The following CXCR6 variants were observed in gnomAD, a reference collection of about 807,000 sequenced individuals.
CXCR6 encodes C-X-C motif chemokine receptor 6, also known as C-X-C chemokine receptor type 6.
Under a neutral mutation model 1.6 loss-of-function variants are expected in CXCR6, and 3 were observed. The ratio of observed to expected loss-of-function variants is 1.83; its 90% CI spans 0.83 to 4.72. The LOEUF is 4.72. CXCR6 is among the 30% of genes most tolerant of loss of function. CXCR6 has a pLI of 0.02. For synonymous variants in CXCR6, 171 were observed against 159.2 expected, an observed-to-expected ratio of 1.07 and a Z score of -0.56; for missense variants, 326 against 414.8, an observed-to-expected ratio of 0.79 and a Z score of 1.86.
chr3:45,945,117 G>C (rs1027005330), intron 1 of CXCR6: 1 of 152,202 alleles, frequency 6.6e-6, no homozygotes, highest in East Asian at 1.9e-4. Flanking sequence ...CAGCAGCATC[G>C]GAGACACTGC....
rs1363500194 is a variant in CXCR6, at chr3:45,946,867, T to C, written c.386T>C (p.Ile129Thr). The change falls in exon 2 of 2, where the codon ATT (isoleucine) becomes ACT (threonine). Residue 129 changes from isoleucine to threonine, a missense_variant. Ile to Thr is a moderately conservative substitution (Grantham distance 89). Transcript: ENST00000304552. ...ACCTGCATCACTGTGGATCGTTTCATTGTAGTGGTTAAGGCCACCAAGGCC... is the reference window on the plus strand; with the variant it reads ...ACCTGCATCACTGTGGATCGTTTCACTGTAGTGGTTAAGGCCACCAAGGCC... ...ILTCITVDRF[I>T]VVVKATKAYN... 6 of 1,614,084 alleles carry C rather than the reference T, an allele frequency of 3.7e-6. No individual in the cohort carries two copies. Among genetic ancestry groups the C allele is most frequent in the Non-Finnish European group, 5.1e-6 (6 of 1,180,030 alleles).
chr3:45,944,876 T>A (rs1252121115), intron 1 of CXCR6: 1 of 152,190 alleles, frequency 6.6e-6, no homozygotes. Flanking sequence ...TGAAAAAATA[T>A]GTTTTTGCCC....
intron 1 of CXCR6, chr3:45,944,948 G>GT (rs1395031054): frequency 6.6e-6 from 1 of 152,206 alleles, no homozygotes; most frequent in Non-Finnish European, 1.5e-5. Flanking sequence ...CAGAGAGCTT[G>GT]TGGGGGGCAG....
rs867012499 is a variant in CXCR6, at chr3:45,948,155, G to T, written c.*645G>T. Reference sequence around the variant, plus strand: ...ATGCTTGAAAAATGTGCAAAACAGCGTTTAAGACTGTAATGAATCTAAGCA... The same window carrying T: ...ATGCTTGAAAAATGTGCAAAACAGCTTTTAAGACTGTAATGAATCTAAGCA... On this transcript the variant is annotated 3_prime_UTR_variant, in exon 2 of 2. Transcript: ENST00000304552. 1 of 167,290 alleles carries T rather than the reference G, an allele frequency of 6.0e-6. No homozygotes were observed. Among genetic ancestry groups the T allele is most frequent in the Non-Finnish European group, 1.5e-5 (1 of 68,290 alleles). 10.4% of individuals were successfully genotyped at this position (167,290 alleles called of 1,614,324 possible).
chr3:45,944,194 G>A (rs1559447513), intron 1 of CXCR6, among the ~76,000 whole-genome samples: 1 of 141,838 alleles, frequency 7.1e-6, no homozygotes, highest in Admixed American at 6.6e-5. Flanking sequence ...GTGCGTGTGT[G>A]TCTGTGTGTG....
At position 45,947,659 on chromosome 3, in the gene CXCR6, G is replaced by A. The variant is rs1288247705; in HGVS notation, c.*149G>A. 1.2e-5 allele frequency: 8 copies of A among 659,642 alleles called. No individual in the cohort carries two copies. Among genetic ancestry groups the A allele is most frequent in the Non-Finnish European group, 1.9e-5 (7 of 374,804 alleles). The allele number at this position is 659,642 out of a possible 1,614,324, so 40.9% of individuals were successfully genotyped here. ...GGCTGGTTTGGAATGCTTCTTCTCA[G>A]GCATGAACATGTACTGTTCTCTTCT... On this transcript the variant is annotated 3_prime_UTR_variant, in exon 2 of 2. Transcript: ENST00000304552.
chr3:45,941,177 C>T (rs1704205850), upstream of CXCR6: 1 of 152,176 alleles, frequency 6.6e-6, no homozygotes, highest in South Asian at 2.1e-4. Context: ...CACTGCCACG[C>T]CTGGCTGGTT....
intron 1 of CXCR6, chr3:45,945,609 C>A (rs912451415): frequency 1.3e-5 from 2 of 152,138 alleles, no homozygotes; most frequent in Non-Finnish European, 2.9e-5. Flanking sequence ...ATCACAGGAG[C>A]TAAGGCAAGG....
chr3:45,941,928 A>C (rs1272659236), upstream of CXCR6, among the ~76,000 whole-genome samples: 1 of 152,218 alleles, frequency 6.6e-6, no homozygotes, highest in Non-Finnish European at 1.5e-5. Flanking sequence ...CCCTGCCTTG[A>C]AAGTTCTCTT....
In CXCR6 at chr3:45,947,042, T is replaced by C; in HGVS notation, c.561T>C (p.Ile187=). ...KLICGYHDEA[I]STVVLATQMT... is the part of the protein sequence containing the mutation. Reference sequence around the variant, plus strand: ...TATGTGGTTACCATGACGAGGCAATTTCCACTGTGGTTCTTGCCACCCAGA... The same window carrying C: ...TATGTGGTTACCATGACGAGGCAATCTCCACTGTGGTTCTTGCCACCCAGA... Residue 187 remains isoleucine (I), a synonymous_variant, in exon 2 of 2, where the codon ATT becomes ATC. Coordinates refer to ENST00000304552, the MANE Select transcript of CXCR6 (RefSeq NM_006564.2). The C allele has an allele frequency of 6.2e-7, 1 of 1,614,212 alleles. No individual in the cohort carries two copies. Among genetic ancestry groups the C allele is most frequent in the South Asian group, 1.1e-5 (1 of 91,082 alleles).
intron 1 of CXCR6, chr3:45,944,980 C>T (rs1704492461): frequency 6.6e-6 from 1 of 152,172 alleles, no homozygotes; most frequent in Non-Finnish European, 1.5e-5. Context: ...GCTGACCTAT[C>T]ACCCTTAGAG....
rs1559448802 is a variant in CXCR6 at position 45,946,485 on chromosome 3, G to A, written c.4G>A (p.Ala2Thr). The A allele has an allele frequency of 6.2e-7, 1 of 1,611,880 alleles. No homozygotes were observed. Among genetic ancestry groups the A allele is most frequent in the Non-Finnish European group, 8.5e-7 (1 of 1,178,402 alleles). The change falls in exon 2 of 2, where the codon GCA (alanine) becomes ACA (threonine). Residue 2 changes from alanine (A) to threonine (T), a missense_variant. Ala to Thr is a moderately conservative substitution (Grantham distance 58, BLOSUM62 0). Coordinates refer to ENST00000304552, the MANE Select transcript of CXCR6 (RefSeq NM_006564.2). ...GGTGTTCATCAGAACAGACACCATG[G>A]CAGAGCATGATTACCATGAAGACTA... M[A>T]EHDYHEDYGF...
At chr3:45,945,321 G>C (rs1448139326) in intron 1 of CXCR6, 1 of 152,238 alleles carries the variant, frequency 6.6e-6, no homozygotes, top group African/African-American at 2.4e-5. Context: ...CACTGGAAAT[G>C]AGCTGCTGCA....
In CXCR6 at chr3:45,943,470, C is replaced by T. The variant is rs915226107; in HGVS notation, c.-92C>T. ...TTCAGCGGAAACATGAACCACATCACAGAAGTAGAGGCAGACCTTGCTTCA... is the reference window on the plus strand; with the variant it reads ...TTCAGCGGAAACATGAACCACATCATAGAAGTAGAGGCAGACCTTGCTTCA... On this transcript the variant is annotated 5_prime_UTR_variant, in exon 1 of 2. Transcript: ENST00000304552. 6.6e-6 allele frequency: 1 copy of T among 152,210 alleles called. No individual in the cohort carries two copies. Among genetic ancestry groups the T allele is most frequent in the Non-Finnish European group, 1.5e-5 (1 of 68,042 alleles). 9.4% of individuals were successfully genotyped at this position (152,210 alleles called of 1,614,324 possible).
At chr3:45,943,074 T>C (rs1377304780), upstream of CXCR6, among the ~76,000 whole-genome samples, 3 of 152,198 alleles carry the variant, frequency 2.0e-5, no homozygotes, top group Admixed American at 1.3e-4. Context: ...CTATCACATA[T>C]GCTGGAGCTG....
rs1704634703 is a variant in CXCR6 at position 45,946,716 on chromosome 3, G to T, written c.235G>T (p.Val79Leu). 6.2e-7 allele frequency: 1 copy of T among 1,614,098 alleles called. No homozygotes were observed. Among genetic ancestry groups the T allele is most frequent in the Admixed American group, 1.7e-5 (1 of 60,008 alleles). The change falls in exon 2 of 2, where the codon GTG (valine) becomes TTG (leucine). Residue 79 changes from valine (V) to leucine (L), a missense_variant. Coordinates refer to ENST00000304552, the MANE Select transcript of CXCR6 (RefSeq NM_006564.2). ...FLVNLPLADL[V>L]FVCTLPFWAY... ...GGTGAACCTACCCCTGGCTGACCTG[G>T]TGTTTGTCTGCACTCTGCCCTTCTG...
At chr3:45,943,262 C>T (rs1351056497), upstream of CXCR6, among the ~76,000 whole-genome samples, 1 of 152,142 alleles carries the variant, frequency 6.6e-6, no homozygotes, top group Non-Finnish European at 1.5e-5. Context: ...GAATAAAGCT[C>T]GTCAGGCCCT....
chr3:45,944,674 A>T (rs1056128844), intron 1 of CXCR6, among the ~76,000 whole-genome samples: 1 of 152,220 alleles, frequency 6.6e-6, no homozygotes, highest in Non-Finnish European at 1.5e-5. Context: ...ACCAATTATT[A>T]TACATCAAAG....
At chr3:45,946,326 GT>G in intron 1 of CXCR6, 134 bp from the exon 2 acceptor site, 1 of 639,128 alleles carries the variant, frequency 1.6e-6, no homozygotes. Flanking sequence ...ATACTGGACT[GT>G]GCTGTTTCTA....
Sources: allele counts gnomAD v4.1 joint callset (sites outside exome capture counted in the v4.1 genomes callset), GRCh38; gene constraint gnomAD v4.1.1; transcripts MANE v1.5; gene names NCBI Gene and HGNC (gene_info 2026-07-23, HGNC 2026-07-21).